EXOC6B: variants seen among roughly 807,000 people sequenced by gnomAD.
EXOC6B encodes the protein exocyst complex component 6B, also known as SEC15 homolog B.
A neutral mutation model predicts 113.5 loss-of-function variants in EXOC6B; 54 were observed. That is an observed-to-expected ratio of 0.48 (90% CI 0.38 to 0.60). The LOEUF is 0.60. Ranked by LOEUF, EXOC6B falls within the 20% of genes least tolerant of loss-of-function variation. The pLI is 0.00. For synonymous variants in EXOC6B, 357 were observed against 339.0 expected (o/e 1.05, Z -0.58); for missense variants, 797 against 977.5 (o/e 0.82, Z 2.46).
intron 20 of EXOC6B, among the ~76,000 whole-genome samples, chr2:72,250,351 T>A (rs1160297158): frequency 6.6e-6 from 1 of 152,122 alleles, no homozygotes; most frequent in Non-Finnish European, 1.5e-5. Context: ...ATAATTTAAT[T>A]TAATTTTTTG....
chr2:72,497,384 A>G (rs1450428150), intron 13 of EXOC6B, among the ~76,000 whole-genome samples: 1 of 152,140 alleles, frequency 6.6e-6, no homozygotes, highest in East Asian at 1.9e-4. Flanking sequence ...ACTGCTCTAT[A>G]TCAAGGATGA....
chr2:72,227,409 C>A (rs1681312235), intron 20 of EXOC6B, among the ~76,000 whole-genome samples: 1 of 152,146 alleles, frequency 6.6e-6, no homozygotes, highest in African/African-American at 2.4e-5. Context: ...CATAAAATTT[C>A]TAAACTTGTA....
intron 1 of EXOC6B, among the ~76,000 whole-genome samples, chr2:72,755,178 C>T (rs761509407): frequency 5.3e-5 from 8 of 152,032 alleles, no homozygotes; most frequent in Non-Finnish European, 1.2e-4. Context: ...TCTTGTTTTG[C>T]CTCAAAGTTC....
chr2:72,414,805 C>T (rs1391350728), intron 18 of EXOC6B, among the ~76,000 whole-genome samples: 2 of 152,174 alleles, frequency 1.3e-5, no homozygotes, highest in East Asian at 1.9e-4. Context: ...TTAATACTTA[C>T]CCTAATTCAA....
chr2:72,580,502 ATAATAAT>A lies in EXOC6B; in HGVS notation c.670-4841_670-4835del, dbSNP rs545528470. ...CTGAAACCCAGCAATATTTCTATAC[ATAATAAT>A]TAATGACATCTAATATCACTGTATA... is the stretch of plus-strand genomic sequence containing the variant. On this transcript the variant is annotated intron_variant, in intron 6 of 21. Coordinates refer to ENST00000272427, the MANE Select transcript of EXOC6B (RefSeq NM_015189.3). 4.5e-4 allele frequency among the ~76,000 whole-genome samples: 69 copies of A among 152,312 alleles called. 2 individuals carry two copies. The highest frequency in any genetic ancestry group is 3.4e-3 in the Middle Eastern group (1 of 294).
chr2:72,536,365 C>T (rs2105773754), intron 8 of EXOC6B, among the ~76,000 whole-genome samples: 1 of 152,262 alleles, frequency 6.6e-6, no homozygotes, highest in South Asian at 2.1e-4. Context: ...ATCCCCCCAG[C>T]ATCATATTTC....
At chr2:72,435,378 T>C (rs917811813) in intron 18 of EXOC6B, among the ~76,000 whole-genome samples, 3 of 151,980 alleles carry the variant, frequency 2.0e-5, no homozygotes, top group African/African-American at 7.3e-5. Context: ...GAGTGTATAT[T>C]CTGTTGATTT....
chr2:72,328,314 A>G (rs1282618762), intron 20 of EXOC6B, among the ~76,000 whole-genome samples: 2 of 152,048 alleles, frequency 1.3e-5, no homozygotes, highest in East Asian at 1.9e-4. Context: ...CTTCTCTGAA[A>G]GTCTGTGTAT....
Position 72,737,463 on chromosome 2 carries a change from T to C in EXOC6B, c.279+3841A>G, listed in dbSNP as rs530672601. On this transcript the variant is annotated intron_variant, in intron 2 of 21. Coordinates refer to ENST00000272427, the MANE Select transcript of EXOC6B (RefSeq NM_015189.3). ...ACTTATGAGAAAAGGTTCTCTTGAA[T>C]AGTGTCTATGAGAAATTCAAACAGG... Among the ~76,000 whole-genome samples the C allele has an allele frequency of 9.2e-5, 14 of 152,350 alleles. No homozygotes were observed. The East Asian group carries it at 2.7e-3, about 29-fold the overall frequency.
chr2:72,752,537 TTC>T (rs892799614), intron 1 of EXOC6B, among the ~76,000 whole-genome samples: 1 of 141,944 alleles, frequency 7.0e-6, no homozygotes, highest in African/African-American at 2.6e-5. Context: ...TCCCTTCCCT[TTC>T]TCTCTCTCAC....
At position 72,406,643 on chromosome 2, in the gene EXOC6B, C is replaced by T. The variant is rs539379228; in HGVS notation, c.1981-26773G>A. On this transcript the variant is annotated intron_variant, in intron 18 of 21. Coordinates refer to ENST00000272427, the MANE Select transcript of EXOC6B (RefSeq NM_015189.3). ...AAATGAAGGCAGAAATAAAGATGTG[C>T]TTTGAAACCAACGAAAACAAAGACA... Among the ~76,000 whole-genome samples, 4 of 152,286 alleles carry T rather than the reference C, an allele frequency of 2.6e-5. No homozygotes were observed. The South Asian group carries it at 8.3e-4, about 32-fold the overall frequency.
At chr2:72,307,027 C>T (rs1466386762) in intron 20 of EXOC6B, among the ~76,000 whole-genome samples, 1 of 152,142 alleles carries the variant, frequency 6.6e-6, no homozygotes, top group Non-Finnish European at 1.5e-5. Flanking sequence ...AGTGTGTTTT[C>T]CCAAGTCCAT....
intron 21 of EXOC6B, among the ~76,000 whole-genome samples, chr2:72,179,780 T>A (rs1459001983): frequency 2.0e-5 from 3 of 152,188 alleles, no homozygotes; most frequent in Non-Finnish European, 4.4e-5. Flanking sequence ...TGTAGGTGTC[T>A]GGGACAGGGA....
chr2:72,234,374 C>T (rs540398049), intron 20 of EXOC6B, among the ~76,000 whole-genome samples: 2 of 152,036 alleles, frequency 1.3e-5, no homozygotes, highest in Non-Finnish European at 1.5e-5. Context: ...TGAGGCACTG[C>T]GCCCAGCCTT....
intron 16 of EXOC6B, among the ~76,000 whole-genome samples, chr2:72,489,765 AT>A (rs1195867993): frequency 6.6e-6 from 1 of 152,258 alleles, no homozygotes; most frequent in African/African-American, 2.4e-5. Context: ...CGCTAAAAAA[AT>A]AATGAATAGT....
At chr2:72,692,648 G>A (rs1364990194) in intron 6 of EXOC6B, among the ~76,000 whole-genome samples, 4 of 152,088 alleles carry the variant, frequency 2.6e-5, no homozygotes, top group African/African-American at 9.7e-5. Flanking sequence ...GCTGCGCCTG[G>A]CCTTTTTCAC....
In EXOC6B at chr2:72,593,591, TA is replaced by T. The variant is rs1706114034; in HGVS notation, c.670-17924del. 2.8e-5 allele frequency among the ~76,000 whole-genome samples: 4 copies of T among 144,476 alleles called. No individual in the cohort carries two copies. The South Asian group carries it at 8.7e-4, about 31-fold the overall frequency. 94.8% of individuals were successfully genotyped at this position (144,476 alleles called of 152,430 possible). On this transcript the variant is annotated intron_variant, in intron 6 of 21. Coordinates refer to ENST00000272427, the MANE Select transcript of EXOC6B (RefSeq NM_015189.3). ...CAAATGCCGGGGATGCAATCAAAAGTAACCAAGCTCAAAGGAGATAAGACAA... is the reference window on the plus strand; with the variant it reads ...CAAATGCCGGGGATGCAATCAAAAGTACCAAGCTCAAAGGAGATAAGACAA...
chr2:72,629,243 C>T (rs1672243314), intron 6 of EXOC6B, among the ~76,000 whole-genome samples: 1 of 152,166 alleles, frequency 6.6e-6, no homozygotes, highest in African/African-American at 2.4e-5. Context: ...CAGAACAGGC[C>T]TATCACCTCG....
At chr2:72,451,820 C>T (rs375625747) in intron 18 of EXOC6B, among the ~76,000 whole-genome samples, 22 of 152,152 alleles carry the variant, frequency 1.4e-4, no homozygotes, top group African/African-American at 4.6e-4. Context: ...GGGGCAAGTA[C>T]GTACTGTGAT....
Sources: allele counts gnomAD v4.1 joint callset (sites outside exome capture counted in the v4.1 genomes callset), GRCh38; gene constraint gnomAD v4.1.1; transcripts MANE v1.5; gene names NCBI Gene and HGNC (gene_info 2026-07-23, HGNC 2026-07-21).